Variants in BRIP1 observed in about 807,000 individuals in gnomAD.
The protein encoded by BRIP1 is BRCA1 interacting DNA helicase 1.
BRIP1 carries 88 observed loss-of-function variants against 119.7 expected under a neutral mutation model. The ratio of observed to expected loss-of-function variants is 0.74; its 90% CI spans 0.62 to 0.88. BRIP1 has a LOEUF of 0.88. Ranked by LOEUF, BRIP1 falls within the 40% of genes least tolerant of loss-of-function variation. BRIP1 has a pLI of 0.00. For synonymous variants in BRIP1, 443 were observed against 496.5 expected (o/e 0.89, Z 1.43); for missense variants, 1,259 against 1,455.4 (o/e 0.87, Z 2.20).
chr17:61,780,444 G>A lies in BRIP1; in HGVS notation c.1795-43C>T, dbSNP rs2145083378. On this transcript the variant is annotated intron_variant, in intron 12 of 19. Transcript: ENST00000259008. This position sits in a 1 kb window ranked among gnomAD's most constrained non-coding sequence, Gnocchi z 5.4. ...TAGATAAATAAAATTATCTTTAGAA[G>A]AGGCTGGGCAAAGTGGCTCACACCT... is the stretch of plus-strand genomic sequence containing the variant. 3 of 1,561,926 alleles carry A rather than the reference G, an allele frequency of 1.9e-6. No homozygotes were observed. Among genetic ancestry groups the A allele is most frequent in the Non-Finnish European group, 1.8e-6 (2 of 1,134,478 alleles).
rs2061431085 is a variant in BRIP1, at chr17:61,690,425, A to C, written c.2575+3005T>G. Among the ~76,000 whole-genome samples, 1 of 152,226 alleles carries C rather than the reference A, an allele frequency of 6.6e-6. No individual in the cohort carries two copies. ...GGTATAATTTGTGACTTTAATAATAAAATGTGATGGGAAAAGTAAAAGTGT... is the reference window on the plus strand; with the variant it reads ...GGTATAATTTGTGACTTTAATAATACAATGTGATGGGAAAAGTAAAAGTGT... On this transcript the variant is annotated intron_variant, in intron 18 of 19. Transcript: ENST00000259008. This position sits in a 1 kb window ranked among gnomAD's most constrained non-coding sequence, Gnocchi z 5.6.
Position 61,780,150 on chromosome 17 carries a change from T to C in BRIP1, c.1935+111A>G. On this transcript the variant is annotated intron_variant, in intron 13 of 19. Coordinates refer to ENST00000259008, the MANE Select transcript of BRIP1 (RefSeq NM_032043.3). The surrounding 1 kb of genome is among the most constrained non-coding windows in gnomAD (Gnocchi z 5.4). ...TTTATTGTAAAACTGGAATGTTGAA[T>C]TTCCTACCAAGATTTACTTGCTGGC... 2.5e-6 allele frequency: 3 copies of C among 1,198,172 alleles called. No homozygotes were observed. The South Asian group carries it at 3.9e-5, about 16-fold the overall frequency. The allele number at this position is 1,198,172 out of a possible 1,614,324, so 74.2% of individuals were successfully genotyped here.
In BRIP1 at chr17:61,834,527, C is replaced by T. The variant is rs1323563036; in HGVS notation, c.627+12574G>A. Among the ~76,000 whole-genome samples the T allele has an allele frequency of 1.3e-5, 2 of 152,120 alleles. No homozygotes were observed. The highest frequency in any genetic ancestry group is 2.9e-5 in the Non-Finnish European group (2 of 68,030). On this transcript the variant is annotated intron_variant, in intron 6 of 19. Transcript: ENST00000259008. This position sits in a 1 kb window ranked among gnomAD's most constrained non-coding sequence, Gnocchi z 4.4. ...AAAAATGGCAACAAATTCTACTTAT[C>T]TTTGTATATAAGCTCCCTTTCAAGG...
At position 61,795,361 on chromosome 17, in the gene BRIP1, G is replaced by A. The variant is rs1430604657; in HGVS notation, c.1341-1632C>T. 6.7e-6 allele frequency among the ~76,000 whole-genome samples: 1 copy of A among 150,056 alleles called. No homozygotes were observed. Among genetic ancestry groups the A allele is most frequent in the Non-Finnish European group, 1.5e-5 (1 of 67,440 alleles). On this transcript the variant is annotated intron_variant, in intron 9 of 19. Transcript: ENST00000259008. The surrounding 1 kb of genome is among the most constrained non-coding windows in gnomAD (Gnocchi z 5.6). ...CATTCATTCTATTTTTCTTTTTTTT[G>A]TACTCATTAACCAACCCCTCCTCCC...
At chr17:61,821,172 A>G (rs1422785114) in intron 6 of BRIP1, among the ~76,000 whole-genome samples, 3 of 152,136 alleles carry the variant, frequency 2.0e-5, no homozygotes, top group Admixed American at 2.0e-4. Context: ...GGGAAGCTAC[A>G]GTTACATCCT....
chr17:61,823,884 G>A lies in BRIP1; in HGVS notation c.628-15127C>T, dbSNP rs554829665. 2.0e-5 allele frequency among the ~76,000 whole-genome samples: 3 copies of A among 151,950 alleles called. No individual in the cohort carries two copies. Among genetic ancestry groups the A allele is most frequent in the Admixed American group, 6.5e-5 (1 of 15,274 alleles). On this transcript the variant is annotated intron_variant, in intron 6 of 19. Transcript: ENST00000259008. The surrounding 1 kb of genome is among the most constrained non-coding windows in gnomAD (Gnocchi z 4.8). ...GCAGTTGTTGCCCAAAGTGATCTCA[G>A]CTCACTGCAACCTCCGCCTCCTGGG...
At position 61,857,033 on chromosome 17, in the gene BRIP1, C is replaced by T. The variant is rs1211570466; in HGVS notation, c.379+25G>A. ...TTAAGACTCTTATTACAGATATCAA[C>T]TGACCCAGGCAAAATATAAATTACC... is the stretch of plus-strand genomic sequence containing the variant. On this transcript the variant is annotated intron_variant, in intron 4 of 19. Coordinates refer to ENST00000259008, the MANE Select transcript of BRIP1 (RefSeq NM_032043.3). This position sits in a 1 kb window ranked among gnomAD's most constrained non-coding sequence, Gnocchi z 5.1. The T allele has an allele frequency of 1.2e-6, 2 of 1,608,744 alleles. No individual in the cohort carries two copies. The highest frequency in any genetic ancestry group is 1.7e-6 in the Non-Finnish European group (2 of 1,175,328).
rs1430117807 is a variant in BRIP1, at chr17:61,734,591, A to AGTT, written c.2379+8421_2379+8422insAAC. Among the ~76,000 whole-genome samples the AGTT allele has an allele frequency of 6.6e-6, 1 of 152,134 alleles. No individual in the cohort carries two copies. The highest frequency in any genetic ancestry group is 1.5e-5 in the Non-Finnish European group (1 of 68,028). ...TGCAATAAATTATGACTTGAACTAA[A>AGTT]CAAGTCACACTTGGCTCCAAAATGA... On this transcript the variant is annotated intron_variant, in intron 16 of 19. Coordinates refer to ENST00000259008, the MANE Select transcript of BRIP1 (RefSeq NM_032043.3). This position sits in a 1 kb window ranked among gnomAD's most constrained non-coding sequence, Gnocchi z 5.2.
Position 61,686,937 on chromosome 17 carries a change from T to C in BRIP1, c.2576-772A>G, listed in dbSNP as rs930998334. On this transcript the variant is annotated intron_variant, in intron 18 of 19. Coordinates refer to ENST00000259008, the MANE Select transcript of BRIP1 (RefSeq NM_032043.3). The surrounding 1 kb of genome is among the most constrained non-coding windows in gnomAD (Gnocchi z 5.4). The stretch of plus-strand genomic sequence containing the variant: ...GCATCATCTTTTGGAGGAATTAGTT[T>C]TAAAAGTCACTATAGGGTAAAAATT... Among the ~76,000 whole-genome samples the C allele has an allele frequency of 6.6e-6, 1 of 152,158 alleles. No individual in the cohort carries two copies. Among genetic ancestry groups the C allele is most frequent in the African/African-American group, 2.4e-5 (1 of 41,434 alleles).
chr17:61,786,105 T>C (rs1380247412), intron 10 of BRIP1, among the ~76,000 whole-genome samples: 1 of 151,940 alleles, frequency 6.6e-6, no homozygotes, highest in Non-Finnish European at 1.5e-5. Context: ...AATATCAATA[T>C]AACTATACTG....
intron 4 of BRIP1, among the ~76,000 whole-genome samples, chr17:61,855,649 T>G (rs974011608): frequency 6.6e-6 from 1 of 151,810 alleles, no homozygotes; most frequent in African/African-American, 2.4e-5. Flanking sequence ...TCAATAAAGC[T>G]GTTTTTAAAA....
chr17:61,761,362 C>T lies in BRIP1; in HGVS notation c.2097+15039G>A, dbSNP rs1378472042. On this transcript the variant is annotated intron_variant, in intron 14 of 19. Coordinates refer to ENST00000259008, the MANE Select transcript of BRIP1 (RefSeq NM_032043.3). This position sits in a 1 kb window ranked among gnomAD's most constrained non-coding sequence, Gnocchi z 6.4. Reference sequence around the variant, plus strand: ...TAAGATCTGGAACAAGACAAGGATGCCCACTTTCACTATGTCCACTTAACA... The same window carrying T: ...TAAGATCTGGAACAAGACAAGGATGTCCACTTTCACTATGTCCACTTAACA... Among the ~76,000 whole-genome samples the T allele has an allele frequency of 6.6e-6, 1 of 151,990 alleles. No homozygotes were observed. Among genetic ancestry groups the T allele is most frequent in the Admixed American group, 6.6e-5 (1 of 15,234 alleles).
Position 61,847,127 on chromosome 17 carries a change from T to C in BRIP1, c.601A>G (p.Lys201Glu), listed in dbSNP as rs1484783363. Residue 201 changes from lysine (K) to glutamate (E), a missense_variant, in exon 6 of 20, where the codon AAG becomes GAG. Physicochemically the swap from Lys to Glu is moderately conservative, Grantham distance 56. Transcript: ENST00000259008. ...KTVKLNSPLE[K>E]INSFSPQKPP... is the part of the protein sequence containing the mutation. Reference sequence around the variant, plus strand: ...TTCTGTGGCGAAAAGGAGTTTATCTTTTCCAGTGGAGAGTTGAGTTTTACA... The same window carrying C: ...TTCTGTGGCGAAAAGGAGTTTATCTCTTCCAGTGGAGAGTTGAGTTTTACA... 1.2e-6 allele frequency: 2 copies of C among 1,613,950 alleles called. No homozygotes were observed. The highest frequency in any genetic ancestry group is 2.2e-5 in the East Asian group (1 of 44,836).
rs2078900636 is a variant in BRIP1 at position 61,856,703 on chromosome 17, G to A, written c.379+355C>T. Among the ~76,000 whole-genome samples, 1 of 152,142 alleles carries A rather than the reference G, an allele frequency of 6.6e-6. No homozygotes were observed. Among genetic ancestry groups the A allele is most frequent in the Non-Finnish European group, 1.5e-5 (1 of 68,024 alleles). On this transcript the variant is annotated intron_variant, in intron 4 of 19. Coordinates refer to ENST00000259008, the MANE Select transcript of BRIP1 (RefSeq NM_032043.3). This position sits in a 1 kb window ranked among gnomAD's most constrained non-coding sequence, Gnocchi z 5.1. ...AAACTTATCAAGAATGAATCAATGA[G>A]GCTAATTAGATTTCGTCTTAGGATA...
At chr17:61,763,287 G>A (rs1015192487) in intron 14 of BRIP1, among the ~76,000 whole-genome samples, 1 of 152,048 alleles carries the variant, frequency 6.6e-6, no homozygotes, top group South Asian at 2.1e-4. Flanking sequence ...TCCAGACACA[G>A]GGCAGCTGGT....
rs902769183 is a variant in BRIP1, at chr17:61,744,140, T to TTA, written c.2257+290_2257+291dup. Among the ~76,000 whole-genome samples the TTA allele has an allele frequency of 5.9e-5, 9 of 152,148 alleles. No individual in the cohort carries two copies. The highest frequency in any genetic ancestry group is 8.8e-5 in the Non-Finnish European group (6 of 68,018). On this transcript the variant is annotated intron_variant, in intron 15 of 19. Coordinates refer to ENST00000259008, the MANE Select transcript of BRIP1 (RefSeq NM_032043.3). This position sits in a 1 kb window ranked among gnomAD's most constrained non-coding sequence, Gnocchi z 5.0. Reference sequence around the variant, plus strand: ...CTCATTTGGCTAGTAAGGAATATATTTATATATATCCTAACTGCCTTTTTG... The same window carrying TTA: ...CTCATTTGGCTAGTAAGGAATATATTTATATATATATCCTAACTGCCTTTTTG...
At position 61,843,342 on chromosome 17, in the gene BRIP1, G is replaced by A. The variant is rs80213537; in HGVS notation, c.627+3759C>T. Among the ~76,000 whole-genome samples the A allele has an allele frequency of 0.037, 5,701 of 152,046 alleles. 165 individuals carry two copies. The highest frequency in any genetic ancestry group is 0.051 in the Non-Finnish European group (3,437 of 67,978). ...TACTATATTCTAGGCTGGATATTTC[G>A]ATATTGGCTTTAAAATTTTCAGGTG... On this transcript the variant is annotated intron_variant, in intron 6 of 19. Coordinates refer to ENST00000259008, the MANE Select transcript of BRIP1 (RefSeq NM_032043.3). This position sits in a 1 kb window ranked among gnomAD's most constrained non-coding sequence, Gnocchi z 5.7.
chr17:61,749,007 C>G (rs1010563785), intron 14 of BRIP1, among the ~76,000 whole-genome samples: 31 of 151,664 alleles, frequency 2.0e-4, no homozygotes, highest in African/African-American at 3.4e-4. Flanking sequence ...CATGGTGGCG[C>G]ACGCCTGTAG....
rs567309263 is a variant in BRIP1 at position 61,803,507 on chromosome 17, A to G, written c.919-2033T>C. On this transcript the variant is annotated intron_variant, in intron 7 of 19. Coordinates refer to ENST00000259008, the MANE Select transcript of BRIP1 (RefSeq NM_032043.3). This position sits in a 1 kb window ranked among gnomAD's most constrained non-coding sequence, Gnocchi z 4.3. ...TGCATGAGCCTAGGAGTTCAAGACC[A>G]GCTGGGCAGCACAGGGAGACTCAAT... 3.0e-4 allele frequency among the ~76,000 whole-genome samples: 45 copies of G among 152,226 alleles called. No individual in the cohort carries two copies. Among genetic ancestry groups the G allele is most frequent in the Non-Finnish European group, 4.7e-4 (32 of 67,998 alleles).
Sources: gnomAD v4.1 joint callset for allele counts (sites outside exome capture counted in the v4.1 genomes callset) on GRCh38, gnomAD v4.1.1 for gene constraint, Gnocchi (gnomAD v3.1) non-coding constraint, MANE v1.5 for transcripts, NCBI Gene and HGNC (gene_info 2026-07-23, HGNC 2026-07-21) for gene names.